BSPRY: variants seen among roughly 807,000 people sequenced by gnomAD.
The protein encoded by BSPRY is B box and SPRY domain-containing protein.
In BSPRY, 33 loss-of-function variants were observed where a neutral mutation model predicts 38.0. That is an observed-to-expected ratio of 0.87 (90% CI 0.66 to 1.16). The LOEUF (loss-of-function observed/expected upper bound fraction) is 1.16. BSPRY is among the 50% of genes most tolerant of loss of function. The probability of loss-of-function intolerance (pLI) is 0.00; values close to 1 mark genes in which losing one functional copy is unlikely to be tolerated. For synonymous variants in BSPRY, 224 were observed against 228.5 expected, an observed-to-expected ratio of 0.98 and a Z score of 0.18; for missense variants, 523 against 533.2, an observed-to-expected ratio of 0.98 and a Z score of 0.19.
rs1002341501 is a variant in BSPRY, at chr9:113,367,924, G to T, written c.558-335G>T. ...TGGCTCACTGCAGCCTCGAACTCCT[G>T]GGCTTAAGCAATCTTCCCACCTCAG... On this transcript the variant is annotated intron_variant, in intron 4 of 5. Coordinates refer to ENST00000374183, the MANE Select transcript of BSPRY (RefSeq NM_017688.3). Among the ~76,000 whole-genome samples, 23 of 151,596 alleles carry T rather than the reference G, an allele frequency of 1.5e-4. 1 individual carries two copies. Among genetic ancestry groups the T allele is most frequent in the Admixed American group, 1.4e-3 (22 of 15,206 alleles).
Position 113,349,688 on chromosome 9 carries a change from C to T in BSPRY, c.109C>T (p.Arg37Ter). 2 of 1,239,050 alleles carry T rather than the reference C, an allele frequency of 1.6e-6. No individual in the cohort carries two copies. The highest frequency in any genetic ancestry group is 6.6e-5 in the South Asian group (2 of 30,158). 76.8% of individuals were successfully genotyped at this position (1,239,050 alleles called of 1,614,324 possible). A position where few individuals can be genotyped will look rare whatever the true frequency, so the allele number is the denominator to read the frequency against. ...QALSWFCGSE[R>*]RPVCAACAGL... Reference sequence around the variant, plus strand: ...TCTGAGCTGGTTCTGCGGCTCCGAGCGACGGCCCGTGTGCGCCGCCTGCGC... The same window carrying T: ...TCTGAGCTGGTTCTGCGGCTCCGAGTGACGGCCCGTGTGCGCCGCCTGCGC... Residue 37 changes from arginine (R) to a stop codon, truncating the protein, a stop_gained, in exon 1 of 6, where the codon CGA (arginine) becomes TGA (stop). Transcript: ENST00000374183. LOFTEE classifies it high-confidence loss of function.
chr9:113,354,970 C>T (rs528082495), intron 2 of BSPRY, among the ~76,000 whole-genome samples: 3 of 152,144 alleles, frequency 2.0e-5, no homozygotes, highest in Non-Finnish European at 4.4e-5. Flanking sequence ...ATTCTCCTGC[C>T]TCAGCCTCCC....
At chr9:113,353,588 A>G (rs1416863182) in intron 1 of BSPRY, among the ~76,000 whole-genome samples, 1 of 152,110 alleles carries the variant, frequency 6.6e-6, no homozygotes, top group Non-Finnish European at 1.5e-5. Context: ...CTGTAATCCC[A>G]GCTACTTGGG....
chr9:113,369,498 G>A, intron 5 of BSPRY, 118 bp from the exon 6 acceptor site: 5 of 1,052,936 alleles, frequency 4.7e-6, no homozygotes, highest in Admixed American at 2.3e-5. Context: ...CTCAGAGAGA[G>A]TAAATGGCTT....
At chr9:113,361,793 C>T (rs1014794807) in intron 3 of BSPRY, among the ~76,000 whole-genome samples, 3 of 152,172 alleles carry the variant, frequency 2.0e-5, no homozygotes, top group Admixed American at 1.3e-4. Flanking sequence ...ATATTTGGTA[C>T]ATAGCCTTTC....
At chr9:113,366,600 G>GC (rs1834257241) in intron 4 of BSPRY, among the ~76,000 whole-genome samples, 1 of 152,202 alleles carries the variant, frequency 6.6e-6, no homozygotes, top group African/African-American at 2.4e-5. Context: ...AGGGCAGCTA[G>GC]CCCGGGTGGT....
chr9:113,368,236 GTC>G (rs1401220265), intron 4 of BSPRY, 21 bp from the exon 5 acceptor site: 1 of 1,610,404 alleles, frequency 6.2e-7, no homozygotes, highest in Admixed American at 1.7e-5. Context: ...CTGAATCTCT[GTC>G]TCTGTTTTTC....
intron 2 of BSPRY, among the ~76,000 whole-genome samples, chr9:113,356,121 G>A (rs931884926): frequency 2.0e-5 from 3 of 152,242 alleles, no homozygotes; most frequent in East Asian, 1.9e-4. Flanking sequence ...TGTTATGTCC[G>A]AAGGTGATAT....
intron 1 of BSPRY, among the ~76,000 whole-genome samples, chr9:113,350,389 C>T (rs1338694352): frequency 6.6e-6 from 1 of 152,130 alleles, no homozygotes; most frequent in Non-Finnish European, 1.5e-5. Context: ...GACTGTACTT[C>T]AGGCTGGTTT....
At chr9:113,353,722 A>G (rs1588060958) in intron 1 of BSPRY, among the ~76,000 whole-genome samples, 1 of 152,102 alleles carries the variant, frequency 6.6e-6, no homozygotes, top group East Asian at 1.9e-4. Flanking sequence ...ATAAATAAAA[A>G]AAAATAAAAA....
At chr9:113,369,426 T>C (rs1202077960) in intron 5 of BSPRY, among the ~76,000 whole-genome samples, 190 bp from the exon 6 acceptor site, 1 of 152,236 alleles carries the variant, frequency 6.6e-6, no homozygotes, top group Non-Finnish European at 1.5e-5. Flanking sequence ...TGTATGATTC[T>C]GTTTAATTCT....
Position 113,370,260 on chromosome 9 carries a change from C to T in BSPRY, c.*118C>T, listed in dbSNP as rs186113785. On this transcript the variant is annotated 3_prime_UTR_variant, in exon 6 of 6. Transcript: ENST00000374183. This position sits in a 1 kb window ranked among gnomAD's most constrained non-coding sequence, Gnocchi z 4.8. ...TTCTAAGAGAAACAGGGCCCATAACCAGTGGGCAGCTTTAGGAGGGATGGG... is the reference window on the plus strand; with the variant it reads ...TTCTAAGAGAAACAGGGCCCATAACTAGTGGGCAGCTTTAGGAGGGATGGG... 6 of 1,238,006 alleles carry T rather than the reference C, an allele frequency of 4.8e-6. No individual in the cohort carries two copies. In the Admixed American group the frequency reaches 1.1e-4, roughly 22 times the overall value. The allele number at this position is 1,238,006 out of a possible 1,614,324, so 76.7% of individuals were successfully genotyped here.
At chr9:113,361,723 C>G (rs1834156404) in intron 3 of BSPRY, among the ~76,000 whole-genome samples, 1 of 152,184 alleles carries the variant, frequency 6.6e-6, no homozygotes, top group African/African-American at 2.4e-5. Context: ...CTGACAAGGT[C>G]TTCGATATGA....
intron 4 of BSPRY, among the ~76,000 whole-genome samples, chr9:113,366,455 GCTCAACTCTGAC>G (rs1482667486): frequency 6.6e-6 from 1 of 152,148 alleles, no homozygotes; most frequent in Admixed American, 6.5e-5. Flanking sequence ...TTGTAGCTGG[GCTCAACTCTGAC>G]TGGACACTGC....
intron 2 of BSPRY, among the ~76,000 whole-genome samples, chr9:113,357,881 G>C (rs1477459510): frequency 1.9e-5 from 2 of 108,004 alleles, no homozygotes; most frequent in African/African-American, 3.3e-5. Context: ...CTGGCCTGTA[G>C]AGTTCTATAT....
At chr9:113,362,224 T>C (rs1834166599) in intron 3 of BSPRY, 145 bp from the exon 4 acceptor site, 2 of 643,748 alleles carry the variant, frequency 3.1e-6, no homozygotes, top group African/African-American at 1.8e-5. Context: ...TAGAATAGCC[T>C]AGAAAGCTTT....
At chr9:113,350,284 C>G (rs1833951321) in intron 1 of BSPRY, among the ~76,000 whole-genome samples, 1 of 152,092 alleles carries the variant, frequency 6.6e-6, no homozygotes, top group South Asian at 2.1e-4. Flanking sequence ...CCCCTGGACT[C>G]AAAGCCCCCC....
chr9:113,365,802 CTT>C (rs139762130), intron 4 of BSPRY, among the ~76,000 whole-genome samples: 69 of 106,732 alleles, frequency 6.5e-4, no homozygotes, highest in African/African-American at 2.5e-3. Flanking sequence ...GTCACAGCTT[CTT>C]TTTTTTTTTT....
In BSPRY at chr9:113,371,049, TGATAA is replaced by T. The variant is rs1284425369; in HGVS notation, c.*908_*912del. On this transcript the variant is annotated 3_prime_UTR_variant, in exon 6 of 6. Transcript: ENST00000374183. ...TGGCTGAGCTCCAGCCTGTGCCCAC[TGATAA>T]TAGCAGGGACGGCCTTTTCTCTTAG... is the stretch of plus-strand genomic sequence containing the variant. 8 of 149,454 alleles carry T rather than the reference TGATAA, an allele frequency of 5.4e-5. No individual in the cohort carries two copies. Among genetic ancestry groups the T allele is most frequent in the Non-Finnish European group, 1.2e-4 (8 of 66,568 alleles). The allele number at this position is 149,454 out of a possible 1,614,324, so 9.3% of individuals were successfully genotyped here. A position where few individuals can be genotyped will look rare whatever the true frequency, so the allele number is the denominator to read the frequency against.
Sources: allele counts gnomAD v4.1 joint callset (sites outside exome capture counted in the v4.1 genomes callset), GRCh38; gene constraint gnomAD v4.1.1; non-coding constraint Gnocchi (gnomAD v3.1); transcripts MANE v1.5; gene names NCBI Gene and HGNC (gene_info 2026-07-23, HGNC 2026-07-21).